Variants in MCF2L observed in about 807,000 individuals in gnomAD.
MCF2L encodes MCF.2 cell line derived transforming sequence like, also known as guanine nucleotide exchange factor DBS.
A neutral mutation model predicts 153.4 loss-of-function variants in MCF2L; 97 were observed. The observed-to-expected ratio is 0.63, with a 90% CI of 0.54 to 0.75. MCF2L has a LOEUF of 0.75. Ranked by LOEUF, MCF2L falls within the 30% of genes least tolerant of loss-of-function variation. The pLI, the probability that MCF2L is intolerant of heterozygous loss-of-function variation, is 0.00. For missense variants in MCF2L, 1,347 were observed against 1,495.2 expected (o/e 0.90, Z 1.64); for synonymous variants, 659 against 632.2 (o/e 1.04, Z -0.64).
Position 113,096,887 on chromosome 13 carries a change from G to A in MCF2L, c.*28G>A, listed in dbSNP as rs2035717846. On this transcript the variant is annotated 3_prime_UTR_variant, in exon 30 of 30. Coordinates refer to ENST00000535094, the MANE Select transcript of MCF2L (RefSeq NM_001112732.3). ...CGGCCTCGGCGCCGGAGACCCGCGC[G>A]CTGTCTGGGGCTGCGGTGGCGTGGG... The A allele has an allele frequency of 7.5e-7, 1 of 1,330,838 alleles. No homozygotes were observed. Among genetic ancestry groups the A allele is most frequent in the South Asian group, 1.8e-5 (1 of 55,396 alleles). 82.4% of individuals were successfully genotyped at this position (1,330,838 alleles called of 1,614,324 possible).
At chr13:112,987,341 T>C (rs1474227551) in intron 1 of MCF2L, among the ~76,000 whole-genome samples, 2 of 152,256 alleles carry the variant, frequency 1.3e-5, no homozygotes, top group African/African-American at 4.8e-5. Flanking sequence ...GGGCTCGTTG[T>C]CTGCCCCCTG....
Position 113,099,444 on chromosome 13 carries a change from C to G in MCF2L, c.*2585C>G, listed in dbSNP as rs764354343. 40 of 152,190 alleles carry G rather than the reference C, an allele frequency of 2.6e-4. No individual in the cohort carries two copies. Among genetic ancestry groups the G allele is most frequent in the Non-Finnish European group, 4.8e-4 (33 of 68,046 alleles). The allele number at this position is 152,190 out of a possible 1,614,324, so 9.4% of individuals were successfully genotyped here. A position where few individuals can be genotyped will look rare whatever the true frequency, so the allele number is the denominator to read the frequency against. On this transcript the variant is annotated 3_prime_UTR_variant, in exon 30 of 30. Transcript: ENST00000535094. ...GCTCTCTAGAACTGGACAGCGTGCACAGAGCCACGGGAGGGAGCAGCCACG... is the reference window on the plus strand; with the variant it reads ...GCTCTCTAGAACTGGACAGCGTGCAGAGAGCCACGGGAGGGAGCAGCCACG...
At position 112,932,283 on chromosome 13, in the gene MCF2L, C is replaced by G. The variant is rs1023286995; in HGVS notation, c.169+29912C>G. On this transcript the variant is annotated intron_variant, in intron 2 of 29. Coordinates refer to the MCF2L transcript ENST00000375608. This position sits in a 1 kb window ranked among gnomAD's most constrained non-coding sequence, Gnocchi z 4.6. ...AGTCCTCCTCCCCAAGCACATCCTC[C>G]CCACTCCAATCATGAGAAGGACGTC... is the stretch of plus-strand genomic sequence containing the variant. 1.3e-5 allele frequency among the ~76,000 whole-genome samples: 2 copies of G among 152,112 alleles called. No individual in the cohort carries two copies. Among genetic ancestry groups the G allele is most frequent in the African/African-American group, 4.8e-5 (2 of 41,406 alleles).
intron 1 of MCF2L, among the ~76,000 whole-genome samples, chr13:112,896,542 G>A (rs2081070125): frequency 6.6e-6 from 1 of 152,190 alleles, no homozygotes; most frequent in Non-Finnish European, 1.5e-5. Context: ...TGGAGGAGAT[G>A]AGTCGTGTAG....
intron 1 of MCF2L, among the ~76,000 whole-genome samples, chr13:113,001,007 C>T (rs1203666165): frequency 5.5e-5 from 6 of 108,638 alleles, no homozygotes; most frequent in Admixed American, 2.0e-4. Context: ...TTGGGATTTT[C>T]GGCTCAAACT....
In MCF2L at chr13:113,075,058, C is replaced by G. The variant is rs1250606504; in HGVS notation, c.1177C>G (p.His393Asp). 1 of 1,613,688 alleles carries G rather than the reference C, an allele frequency of 6.2e-7. No individual in the cohort carries two copies. The highest frequency in any genetic ancestry group is 1.7e-5 in the Admixed American group (1 of 60,028). ...LDGEQLIGNKHYAVDSIRPKC... is the reference protein window; with the variant it reads ...LDGEQLIGNKDYAVDSIRPKC... The stretch of plus-strand genomic sequence containing the variant: ...CGGCGAGCAGCTCATTGGGAACAAG[C>G]ACTACGCGGTAGACTCCATCCGCCC... Residue 393 changes from histidine (H) to aspartate (D), a missense_variant, in exon 11 of 30, where the codon CAC becomes GAC. Physicochemically the swap from His to Asp is moderately conservative, Grantham distance 81. Transcript: ENST00000535094.
chr13:113,095,715 G>A (rs555572928), intron 27 of MCF2L: 163 of 992,996 alleles, frequency 1.6e-4, no homozygotes, highest in Non-Finnish European at 1.9e-4. Flanking sequence ...CCTGCAGCCG[G>A]CAGCACCCCT....
intron 1 of MCF2L, among the ~76,000 whole-genome samples, chr13:112,991,473 A>T (rs2082897766): frequency 6.6e-6 from 1 of 152,216 alleles, no homozygotes; most frequent in Admixed American, 6.5e-5. Flanking sequence ...CCTTTCAGAC[A>T]CATTATCCAG....
intron 2 of MCF2L, among the ~76,000 whole-genome samples, chr13:112,929,893 T>C (rs537351007): frequency 6.6e-5 from 10 of 152,240 alleles, no homozygotes; most frequent in Non-Finnish European, 7.3e-5. Context: ...ATGACCCCTG[T>C]TTTGTGACGT....
At chr13:112,923,007 T>C (rs2081367898) in intron 2 of MCF2L, among the ~76,000 whole-genome samples, 1 of 152,236 alleles carries the variant, frequency 6.6e-6, no homozygotes, top group Non-Finnish European at 1.5e-5. Flanking sequence ...AATCCAGTCA[T>C]AGGAATTGGT....
intron 3 of MCF2L, chr13:113,044,564 G>A: frequency 6.7e-7 from 1 of 1,500,708 alleles, no homozygotes; most frequent in Non-Finnish European, 9.0e-7. Flanking sequence ...TGGATTGGCT[G>A]GTGGTAGCAG....
At chr13:112,950,196 A>C (rs1243363477) in intron 2 of MCF2L, among the ~76,000 whole-genome samples, 1 of 152,218 alleles carries the variant, frequency 6.6e-6, no homozygotes, top group African/African-American at 2.4e-5. Flanking sequence ...AATATGTACA[A>C]GACTTTTGTG....
In MCF2L at chr13:113,027,719, T is replaced by C. The variant is rs537128079; in HGVS notation, c.278+2961T>C. On this transcript the variant is annotated intron_variant, in intron 3 of 29. Transcript: ENST00000535094. The surrounding 1 kb of genome is among the most constrained non-coding windows in gnomAD (Gnocchi z 4.8). ...CGGTTTCCACACATTCCTCCCTGGT[T>C]CTCAGCCACACTGTGGCAGGAAGGC... 9.9e-5 allele frequency among the ~76,000 whole-genome samples: 15 copies of C among 152,236 alleles called. No individual in the cohort carries two copies. The East Asian group carries it at 2.9e-3, about 29-fold the overall frequency.
intron 2 of MCF2L, among the ~76,000 whole-genome samples, chr13:112,931,401 A>AT (rs959581229): frequency 3.9e-5 from 6 of 152,182 alleles, no homozygotes; most frequent in Non-Finnish European, 8.8e-5. Context: ...AAACTGAGCG[A>AT]TTAGGTGAGC....
At chr13:112,935,993 C>A (rs1243008116) in intron 2 of MCF2L, among the ~76,000 whole-genome samples, 1 of 152,090 alleles carries the variant, frequency 6.6e-6, no homozygotes, top group African/African-American at 2.4e-5. Flanking sequence ...AAGGACCCAG[C>A]CCTTGGCTGG....
rs1176566037 is a variant in MCF2L at position 112,960,616 on chromosome 13, C to T, written c.170-54147C>T. Among the ~76,000 whole-genome samples, 1 of 152,164 alleles carries T rather than the reference C, an allele frequency of 6.6e-6. No homozygotes were observed. Among genetic ancestry groups the T allele is most frequent in the Non-Finnish European group, 1.5e-5 (1 of 68,006 alleles). ...GTTTCCTATTGCAGTTGACAGATCACTGCAAACACTGGCTAACCACACACA... is the reference window on the plus strand; with the variant it reads ...GTTTCCTATTGCAGTTGACAGATCATTGCAAACACTGGCTAACCACACACA... On this transcript the variant is annotated intron_variant, in intron 2 of 29. Coordinates refer to the MCF2L transcript ENST00000375608. This position sits in a 1 kb window ranked among gnomAD's most constrained non-coding sequence, Gnocchi z 4.2.
chr13:113,095,765 T>G (rs1360922648), intron 27 of MCF2L: 5 of 997,246 alleles, frequency 5.0e-6, no homozygotes, highest in African/African-American at 1.7e-5. Context: ...GCTGTGAATC[T>G]CCCCACTCTG....
chr13:113,095,560 A>G, intron 27 of MCF2L: 1 of 1,010,094 alleles, frequency 9.9e-7, no homozygotes, highest in Non-Finnish European at 1.2e-6. Flanking sequence ...GAGCCAGTAC[A>G]GGCCATCACG....
intron 13 of MCF2L, 99 bp from the exon 14 acceptor site, chr13:113,078,264 A>G: frequency 1.0e-6 from 1 of 969,322 alleles, no homozygotes. Flanking sequence ...TCAGAGGCCG[A>G]GTCCTACCCT....
Sources: gnomAD v4.1 joint callset for allele counts (sites outside exome capture counted in the v4.1 genomes callset) on GRCh38, gnomAD v4.1.1 for gene constraint, Gnocchi (gnomAD v3.1) non-coding constraint, MANE v1.5 for transcripts, NCBI Gene and HGNC (gene_info 2026-07-23, HGNC 2026-07-21) for gene names.